The following COL23A1 variants were observed in gnomAD, a reference collection of about 807,000 sequenced individuals.
COL23A1 encodes collagen alpha-1(XXIII) chain.
In COL23A1, 97 loss-of-function variants were observed where a neutral mutation model predicts 99.3. The ratio of observed to expected loss-of-function variants is 0.98; its 90% CI spans 0.83 to 1.16. The LOEUF (loss-of-function observed/expected upper bound fraction) is 1.16. Ranked by LOEUF, COL23A1 falls within the 50% of genes most tolerant of loss-of-function variation. COL23A1 has a pLI of 0.00. For synonymous variants in COL23A1, 320 were observed against 308.2 expected, an observed-to-expected ratio of 1.04 and a Z score of -0.40; for missense variants, 762 against 757.4, an observed-to-expected ratio of 1.01 and a Z score of -0.07.
intron 25 of COL23A1, among the ~76,000 whole-genome samples, chr5:178,244,730 T>C (rs1180281966): frequency 6.6e-6 from 1 of 152,220 alleles, no homozygotes; most frequent in Non-Finnish European, 1.5e-5. Flanking sequence ...GATTTTTCAG[T>C]TATGAGTAAT....
intron 1 of COL23A1, among the ~76,000 whole-genome samples, chr5:178,582,194 G>A (rs1763693805): frequency 1.7e-5 from 2 of 116,980 alleles, no homozygotes; most frequent in African/African-American, 7.2e-5. Flanking sequence ...GAGACAGGAC[G>A]AGACTCTATC....
At chr5:178,250,421 C>T (rs1444892131) in intron 17 of COL23A1, among the ~76,000 whole-genome samples, 2 of 152,224 alleles carry the variant, frequency 1.3e-5, no homozygotes, top group African/African-American at 2.4e-5. Context: ...AAGTTGTTGG[C>T]TCTTTCTCTT....
intron 1 of COL23A1, among the ~76,000 whole-genome samples, chr5:178,579,741 C>T (rs1483859566): frequency 3.9e-5 from 6 of 152,050 alleles, no homozygotes; most frequent in East Asian, 1.9e-4. Flanking sequence ...CATGAGCCAC[C>T]GCGTCTGGCC....
chr5:178,359,754 G>T (rs558897866), intron 2 of COL23A1, among the ~76,000 whole-genome samples: 1 of 152,212 alleles, frequency 6.6e-6, no homozygotes, highest in African/African-American at 2.4e-5. Context: ...CAAGCTGGGA[G>T]GGGGCCCAGG....
chr5:178,303,025 G>A (rs1758155421), intron 3 of COL23A1, among the ~76,000 whole-genome samples: 1 of 152,232 alleles, frequency 6.6e-6, no homozygotes, highest in Non-Finnish European at 1.5e-5. Flanking sequence ...TTTCCTGACA[G>A]AGTCTAGCTC....
chr5:178,306,456 C>T lies in COL23A1; in HGVS notation c.406+419G>A, dbSNP rs1425201939. ...GGAAGGGAGGTGGGGGAGTCTCCTCCTGGCGGCTCTGCCAAGGAAGGACAG... is the reference window on the plus strand; with the variant it reads ...GGAAGGGAGGTGGGGGAGTCTCCTCTTGGCGGCTCTGCCAAGGAAGGACAG... On this transcript the variant is annotated intron_variant, in intron 3 of 28. Coordinates refer to ENST00000390654, the MANE Select transcript of COL23A1 (RefSeq NM_173465.4). This position sits in a 1 kb window ranked among gnomAD's most constrained non-coding sequence, Gnocchi z 4.1. Among the ~76,000 whole-genome samples the T allele has an allele frequency of 2.0e-5, 3 of 151,894 alleles. No homozygotes were observed. Among genetic ancestry groups the T allele is most frequent in the African/African-American group, 7.3e-5 (3 of 41,302 alleles).
In COL23A1 at chr5:178,468,340, G is replaced by A. The variant is rs1199945040; in HGVS notation, c.361+92342C>T. Reference sequence around the variant, plus strand: ...AGAGGGTGAGAGAGAACACGGAGGTGCAAGACAGGGAGGGGATGGAAGCCA... The same window carrying A: ...AGAGGGTGAGAGAGAACACGGAGGTACAAGACAGGGAGGGGATGGAAGCCA... On this transcript the variant is annotated intron_variant, in intron 2 of 28. Transcript: ENST00000390654. The surrounding 1 kb of genome is among the most constrained non-coding windows in gnomAD (Gnocchi z 4.2). 2.0e-5 allele frequency among the ~76,000 whole-genome samples: 3 copies of A among 152,178 alleles called. No homozygotes were observed. In the East Asian group the frequency reaches 5.8e-4, roughly 29 times the overall value.
At chr5:178,500,248 C>A (rs905946211) in intron 2 of COL23A1, among the ~76,000 whole-genome samples, 1 of 151,940 alleles carries the variant, frequency 6.6e-6, no homozygotes, top group Non-Finnish European at 1.5e-5. Flanking sequence ...AAACTGTACA[C>A]TTTAAATGTT....
At chr5:178,386,171 G>C (rs1763659913) in intron 2 of COL23A1, among the ~76,000 whole-genome samples, 1 of 152,194 alleles carries the variant, frequency 6.6e-6, no homozygotes, top group Non-Finnish European at 1.5e-5. Flanking sequence ...AGGCGCCGTG[G>C]CTCACACCTG....
chr5:178,245,211 TCTATCATC>T (rs1764613571), intron 25 of COL23A1, among the ~76,000 whole-genome samples: 1 of 142,574 alleles, frequency 7.0e-6, no homozygotes, highest in Non-Finnish European at 1.5e-5. Flanking sequence ...TCACTCATCA[TCTATCATC>T]CATCCATCCA....
chr5:178,437,240 G>T (rs1426732401), intron 2 of COL23A1, among the ~76,000 whole-genome samples: 1 of 152,164 alleles, frequency 6.6e-6, no homozygotes, highest in Admixed American at 6.5e-5. Context: ...GCCCACAGGG[G>T]TCCTGGGCTC....
chr5:178,346,214 ATTAT>A (rs1760961837), intron 2 of COL23A1, among the ~76,000 whole-genome samples: 1 of 151,882 alleles, frequency 6.6e-6, no homozygotes. Context: ...TTATTTATTT[ATTAT>A]TTATTTATTT....
At chr5:178,537,638 C>T (rs1270032239) in intron 2 of COL23A1, among the ~76,000 whole-genome samples, 3 of 152,194 alleles carry the variant, frequency 2.0e-5, no homozygotes, top group Admixed American at 6.5e-5. Flanking sequence ...CACGGTCTGC[C>T]GAAGGCGGCT....
intron 11 of COL23A1, among the ~76,000 whole-genome samples, chr5:178,260,517 G>A (rs912613803): frequency 4.6e-5 from 7 of 152,132 alleles, no homozygotes; most frequent in African/African-American, 7.2e-5. Flanking sequence ...AGTGGTGGCC[G>A]GGCACGGTGG....
At chr5:178,371,409 G>A (rs1762794265) in intron 2 of COL23A1, among the ~76,000 whole-genome samples, 1 of 152,198 alleles carries the variant, frequency 6.6e-6, no homozygotes, top group Admixed American at 6.5e-5. Flanking sequence ...ACGACTGGAG[G>A]AGGGGCCGGC....
chr5:178,383,852 G>T (rs1023537622), intron 2 of COL23A1, among the ~76,000 whole-genome samples: 1 of 150,802 alleles, frequency 6.6e-6, no homozygotes, highest in Non-Finnish European at 1.5e-5. Flanking sequence ...CGCTGGACAT[G>T]GTAAAAGCAA....
intron 2 of COL23A1, among the ~76,000 whole-genome samples, chr5:178,493,293 C>T (rs1758028193): frequency 6.6e-6 from 1 of 152,228 alleles, no homozygotes; most frequent in Admixed American, 6.5e-5. Flanking sequence ...CCTCAGTCCA[C>T]ACTGAACCCT....
intron 2 of COL23A1, among the ~76,000 whole-genome samples, chr5:178,490,697 G>A (rs553954118): frequency 5.3e-5 from 8 of 152,202 alleles, no homozygotes; most frequent in South Asian, 2.1e-4. Context: ...GAACTGCTTC[G>A]GCCTGGGAGT....
chr5:178,346,703 G>A (rs879826341), intron 2 of COL23A1, among the ~76,000 whole-genome samples: 2 of 152,032 alleles, frequency 1.3e-5, no homozygotes, highest in Non-Finnish European at 2.9e-5. Flanking sequence ...ATCACACAAG[G>A]GCCCTTTTCA....
Sources: allele counts gnomAD v4.1 joint callset (sites outside exome capture counted in the v4.1 genomes callset), GRCh38; gene constraint gnomAD v4.1.1; non-coding constraint Gnocchi (gnomAD v3.1); transcripts MANE v1.5; gene names NCBI Gene and HGNC (gene_info 2026-07-23, HGNC 2026-07-21).